OPCML: variants seen among roughly 807,000 people sequenced by gnomAD.
The protein encoded by OPCML is opioid binding protein/cell adhesion molecule like.
A neutral mutation model predicts 37.8 loss-of-function variants in OPCML; 13 were observed. The observed-to-expected ratio is 0.34, with a 90% CI of 0.22 to 0.55. OPCML has a LOEUF of 0.55. Ranked by LOEUF, OPCML falls within the 20% of genes least tolerant of loss-of-function variation. The pLI, the probability that OPCML is intolerant of heterozygous loss-of-function variation, is 0.91. For synonymous variants in OPCML, 176 were observed against 168.8 expected, an observed-to-expected ratio of 1.04 and a Z score of -0.33; for missense variants, 341 against 435.6, an observed-to-expected ratio of 0.78 and a Z score of 1.93.
At chr11:132,468,757 C>T (rs1052304474) in intron 4 of OPCML, among the ~76,000 whole-genome samples, 5 of 152,144 alleles carry the variant, frequency 3.3e-5, no homozygotes, top group African/African-American at 7.2e-5. Context: ...AGCAGCTCTA[C>T]CTCTTTCTGG....
chr11:133,112,310 AGGGG>A (rs1204877415), intron 1 of OPCML, among the ~76,000 whole-genome samples: 315 of 91,080 alleles, frequency 3.5e-3, no homozygotes, highest in East Asian at 9.2e-3. Context: ...AAAAAAAAAA[AGGGG>A]AAAGAAACAA....
intron 4 of OPCML, among the ~76,000 whole-genome samples, chr11:132,509,355 A>T (rs1315421145): frequency 2.6e-5 from 4 of 152,298 alleles, no homozygotes; most frequent in Non-Finnish European, 4.4e-5. Context: ...GAAAAAAAAA[A>T]ATTTCTAGGG....
At chr11:132,545,453 A>G (rs2096366672) in intron 3 of OPCML, among the ~76,000 whole-genome samples, 1 of 152,320 alleles carries the variant, frequency 6.6e-6, no homozygotes, top group Non-Finnish European at 1.5e-5. Flanking sequence ...CCTTCCCCAC[A>G]ATTCTGCAAG....
chr11:133,426,160 C>G (rs1945997960), intron 1 of OPCML, among the ~76,000 whole-genome samples: 1 of 152,208 alleles, frequency 6.6e-6, no homozygotes, highest in African/African-American at 2.4e-5. Context: ...AAACCAGAGA[C>G]TGACAACTTC....
chr11:133,526,496 T>C (rs1038651332), intron 1 of OPCML, among the ~76,000 whole-genome samples: 3 of 152,068 alleles, frequency 2.0e-5, no homozygotes, highest in African/African-American at 4.8e-5. Flanking sequence ...GGAGGGAATG[T>C]ATGTTCACAT....
chr11:132,621,893 T>C (rs1939431825), intron 3 of OPCML, among the ~76,000 whole-genome samples: 1 of 152,162 alleles, frequency 6.6e-6, no homozygotes, highest in Non-Finnish European at 1.5e-5. Flanking sequence ...CTAAAATCTT[T>C]TGTGTAGGAG....
At chr11:132,444,352 C>T (rs1346414581) in intron 4 of OPCML, among the ~76,000 whole-genome samples, 1 of 152,158 alleles carries the variant, frequency 6.6e-6, no homozygotes, top group African/African-American at 2.4e-5. Context: ...TCCTGGCATC[C>T]TTCTCCATCA....
intron 1 of OPCML, among the ~76,000 whole-genome samples, chr11:133,062,820 T>C (rs1388225668): frequency 1.3e-5 from 2 of 152,246 alleles, no homozygotes; most frequent in African/African-American, 2.4e-5. Flanking sequence ...TTCCCGCCCC[T>C]GAGCCTCTGC....
intron 1 of OPCML, among the ~76,000 whole-genome samples, chr11:133,204,861 T>C (rs1176000314): frequency 2.7e-5 from 1 of 37,572 alleles, no homozygotes; most frequent in Non-Finnish European, 4.6e-5. Context: ...TATATATATA[T>C]ATATGTGTAT....
At chr11:133,059,954 A>G (rs897688859) in intron 1 of OPCML, among the ~76,000 whole-genome samples, 26 of 152,212 alleles carry the variant, frequency 1.7e-4, no homozygotes, top group Non-Finnish European at 5.9e-5. Context: ...AGCTACTATT[A>G]TCTTTACAGC....
chr11:133,254,352 C>G (rs531697387), intron 1 of OPCML, among the ~76,000 whole-genome samples: 2 of 152,268 alleles, frequency 1.3e-5, no homozygotes, highest in Non-Finnish European at 2.9e-5. Flanking sequence ...ACATGCATCC[C>G]ACAAGAGTAC....
chr11:133,108,806 A>AT (rs1949203518), intron 1 of OPCML, among the ~76,000 whole-genome samples: 1 of 70,524 alleles, frequency 1.4e-5, no homozygotes, highest in East Asian at 5.5e-4. Flanking sequence ...ACTACAGGTG[A>AT]TAAAAAAAAA....
chr11:132,760,446 G>C (rs2136095493), intron 2 of OPCML, among the ~76,000 whole-genome samples: 1 of 152,176 alleles, frequency 6.6e-6, no homozygotes, highest in Middle Eastern at 3.4e-3. Flanking sequence ...TCTCTTTGGA[G>C]GTCTCTAAGA....
At chr11:132,548,467 G>C (rs2096373923) in intron 3 of OPCML, among the ~76,000 whole-genome samples, 1 of 152,130 alleles carries the variant, frequency 6.6e-6, no homozygotes, top group Non-Finnish European at 1.5e-5. Context: ...ATCCACCACA[G>C]CTCACTTTCG....
At chr11:133,131,155 A>C (rs146537545) in intron 1 of OPCML, among the ~76,000 whole-genome samples, 201 of 152,276 alleles carry the variant, frequency 1.3e-3, no homozygotes, top group African/African-American at 4.8e-3. Flanking sequence ...ACCAGGAAGC[A>C]GGCTTTCAGC....
At chr11:132,868,958 T>G (rs1942687409) in intron 2 of OPCML, among the ~76,000 whole-genome samples, 1 of 152,146 alleles carries the variant, frequency 6.6e-6, no homozygotes, top group East Asian at 1.9e-4. Context: ...GCCCAGAGGA[T>G]GCGCCCCTGG....
intron 1 of OPCML, among the ~76,000 whole-genome samples, chr11:133,021,905 G>A (rs1176536664): frequency 6.6e-6 from 1 of 152,236 alleles, no homozygotes; most frequent in Non-Finnish European, 1.5e-5. Context: ...CAGACTGGAT[G>A]CTCAGTCTTT....
At chr11:133,298,859 T>C (rs1384261482) in intron 1 of OPCML, 1 of 152,038 alleles carries the variant, frequency 6.6e-6, no homozygotes, top group African/African-American at 2.4e-5. Flanking sequence ...CCATAATAAA[T>C]GTCATAAAAC....
intron 3 of OPCML, among the ~76,000 whole-genome samples, chr11:132,641,970 G>A (rs904224486): frequency 5.9e-5 from 9 of 152,124 alleles, no homozygotes; most frequent in Non-Finnish European, 1.0e-4. Context: ...AGCTACCGAC[G>A]GTTTTTCTTT....
Sources: allele counts gnomAD v4.1 joint callset (sites outside exome capture counted in the v4.1 genomes callset), GRCh38; gene constraint gnomAD v4.1.1; transcripts MANE v1.5; gene names NCBI Gene and HGNC (gene_info 2026-07-23, HGNC 2026-07-21).